Variants in APOO observed in about 807,000 individuals in gnomAD.
APOO encodes the protein apolipoprotein O.
In APOO, 11 loss-of-function variants were observed where a neutral mutation model predicts 23.1. The ratio of observed to expected loss-of-function variants is 0.48; its 90% confidence interval spans 0.30 to 0.79. The LOEUF (loss-of-function observed/expected upper bound fraction) is 0.79, where lower values mean the gene tolerates loss of function less well. Among genes scored for constraint, APOO ranks in the 30% least tolerant of loss-of-function variants. The pLI is 0.07. For synonymous variants in APOO, 59 were observed against 54.8 expected (o/e 1.08, Z -0.34); for missense variants, 160 against 142.7 (o/e 1.12, Z -0.62).
intron 7 of APOO, among the ~76,000 whole-genome samples, chrX:23,853,246 A>C (rs932125683): frequency 9.0e-6 from 1 of 111,424 alleles, no homozygotes; most frequent in Non-Finnish European, 1.9e-5. Flanking sequence ...CAACAGAGCA[A>C]GATTCCATCT....
chrX:23,848,958 G>A (rs1924392185), intron 7 of APOO, among the ~76,000 whole-genome samples: 2 of 105,262 alleles, frequency 1.9e-5, no homozygotes, highest in Admixed American at 1.1e-4. Flanking sequence ...CTGGGTTCAC[G>A]CCATTCTCCT....
chrX:23,879,471 C>T (rs183140973), intron 2 of APOO, among the ~76,000 whole-genome samples: 4 of 111,728 alleles, frequency 3.6e-5, no homozygotes. Flanking sequence ...ATTCCAGTGA[C>T]TCTAAGGGTT....
intron 1 of APOO, among the ~76,000 whole-genome samples, chrX:23,905,401 A>G (rs1245919902): frequency 9.1e-6 from 1 of 109,464 alleles, no homozygotes; most frequent in Non-Finnish European, 1.9e-5. Flanking sequence ...AAAAAATAAT[A>G]ATGATAACAA....
chrX:23,889,057 A>C (rs1926508034), intron 1 of APOO, among the ~76,000 whole-genome samples: 1 of 108,944 alleles, frequency 9.2e-6, no homozygotes, highest in South Asian at 3.9e-4. Flanking sequence ...TGGGAGGATT[A>C]CTTGAGCCCA....
At chrX:23,889,656 GT>G (rs138373055) in intron 1 of APOO, among the ~76,000 whole-genome samples, 8,014 of 61,865 alleles carry the variant, frequency 0.13, 1,405 homozygotes, top group African/African-American at 0.44. Flanking sequence ...CTGGGGAGTT[GT>G]TTTTTTTTTT....
intron 3 of APOO, among the ~76,000 whole-genome samples, chrX:23,875,182 G>A (rs192249288): frequency 1.9e-5 from 2 of 107,045 alleles, no homozygotes; most frequent in African/African-American, 3.4e-5. Context: ...TCCAGGAGGC[G>A]GAGGTTGCAG....
intron 7 of APOO, among the ~76,000 whole-genome samples, 193 bp downstream of exon 7, chrX:23,856,109 G>A: frequency 8.9e-6 from 1 of 112,040 alleles, no homozygotes; most frequent in Non-Finnish European, 1.9e-5. Flanking sequence ...ATTTGGCCCT[G>A]CTGATAATAA....
rs749651326 is a variant in APOO, at chrX:23,853,827, T to C, written c.561+2475A>G. Among the ~76,000 whole-genome samples, 3 of 108,941 alleles carry C rather than the reference T, an allele frequency of 2.8e-5. No individual in the cohort carries two copies. The South Asian group carries it at 1.2e-3, about 44-fold the overall frequency. The allele number at this position is 108,941 out of a possible 115,157, so 94.6% of individuals were successfully genotyped here. A position where few individuals can be genotyped will look rare whatever the true frequency, so the allele number is the denominator to read the frequency against. On this transcript the variant is annotated intron_variant, in intron 7 of 8. Coordinates refer to ENST00000379226, the MANE Select transcript of APOO (RefSeq NM_024122.5). ...TTTGGTAGTTTTTGTAGAGACAGGG[T>C]TTTGCCATATTGCCCAAGCTGGTCT...
chrX:23,856,624 G>A (rs1039786008), intron 6 of APOO, among the ~76,000 whole-genome samples: 9 of 107,126 alleles, frequency 8.4e-5, no homozygotes, highest in African/African-American at 2.7e-4. Flanking sequence ...GCGCAATCTT[G>A]GCTCACTGCA....
intron 1 of APOO, among the ~76,000 whole-genome samples, chrX:23,881,280 G>A (rs1926110878): frequency 9.1e-6 from 1 of 109,363 alleles, no homozygotes. Context: ...TTGCCATGTT[G>A]GCCAGGCTGG....
rs778687224 is a variant in APOO at position 23,837,582 on chromosome X, C to T, written c.*29+2731G>A. On this transcript the variant is annotated intron_variant, in intron 8 of 8. Transcript: ENST00000379226. ...TCCCATTTTGTCAAAAAACCAAAAA[C>T]ATGCATGTATGCATGAATATATTAT... Among the ~76,000 whole-genome samples the T allele has an allele frequency of 1.1e-4, 12 of 108,286 alleles. No individual in the cohort carries two copies. The South Asian group carries it at 2.8e-3, about 25-fold the overall frequency. 94.0% of individuals were successfully genotyped at this position (108,286 alleles called of 115,157 possible). A position where few individuals can be genotyped will look rare whatever the true frequency, so the allele number is the denominator to read the frequency against.
At chrX:23,867,118 CG>C (rs1569234522) in intron 5 of APOO, among the ~76,000 whole-genome samples, 1 of 103,241 alleles carries the variant, frequency 9.7e-6, no homozygotes, top group African/African-American at 4.0e-5. Flanking sequence ...CTAAACGAAA[CG>C]AAACGAAACG....
intron 7 of APOO, among the ~76,000 whole-genome samples, chrX:23,853,325 G>A (rs946438493): frequency 9.0e-6 from 1 of 110,624 alleles, no homozygotes. Flanking sequence ...ATCTAAAGTG[G>A]GGGGGGTGAA....
chrX:23,880,172 A>C (rs1445058872), intron 2 of APOO, among the ~76,000 whole-genome samples: 2 of 110,765 alleles, frequency 1.8e-5, no homozygotes, highest in Admixed American at 9.7e-5. Context: ...AAAAATGTGA[A>C]TATATTCTTG....
intron 7 of APOO, among the ~76,000 whole-genome samples, chrX:23,848,163 G>A (rs1250860476): frequency 2.8e-5 from 3 of 106,627 alleles, no homozygotes; most frequent in African/African-American, 1.0e-4. Flanking sequence ...ATGAGCCACC[G>A]CGTCTGGCCC....
chrX:23,842,986 C>T (rs750950137), intron 7 of APOO, among the ~76,000 whole-genome samples: 51 of 111,871 alleles, frequency 4.6e-4, no homozygotes, highest in African/African-American at 1.3e-3. Flanking sequence ...CCAGCCTGGG[C>T]AACAAGAGTG....
chrX:23,864,081 C>T (rs1925228415), intron 5 of APOO, among the ~76,000 whole-genome samples: 1 of 107,420 alleles, frequency 9.3e-6, no homozygotes, highest in Non-Finnish European at 1.9e-5. Flanking sequence ...CTGCAATCTC[C>T]ACCTCTTGGG....
chrX:23,834,842 C>T (rs1484418647), intron 8 of APOO, among the ~76,000 whole-genome samples: 1 of 107,854 alleles, frequency 9.3e-6, no homozygotes, highest in Non-Finnish European at 1.9e-5. Context: ...CTGCCTCAGC[C>T]TCCCAAGTAG....
intron 5 of APOO, among the ~76,000 whole-genome samples, chrX:23,861,187 TG>T (rs1243677870): frequency 9.0e-6 from 1 of 110,968 alleles, no homozygotes; most frequent in Non-Finnish European, 1.9e-5. Context: ...AGGTGGGGCC[TG>T]GTGGGACGTG....
Sources: allele counts gnomAD v4.1 joint callset (sites outside exome capture counted in the v4.1 genomes callset), GRCh38; gene constraint gnomAD v4.1.1; transcripts MANE v1.5; gene names NCBI Gene and HGNC (gene_info 2026-07-23, HGNC 2026-07-21).